The following PDE4B variants were observed in gnomAD, a reference collection of about 807,000 sequenced individuals.
PDE4B encodes the protein phosphodiesterase 4B, also known as 3',5'-cyclic-AMP phosphodiesterase 4B.
PDE4B carries 20 observed loss-of-function variants against 82.2 expected under a neutral mutation model. The ratio of observed to expected loss-of-function variants is 0.24; its 90% CI spans 0.17 to 0.35. PDE4B has a LOEUF of 0.35. Ranked by LOEUF, PDE4B falls within the 10% of genes least tolerant of loss-of-function variation. The pLI is 1.00. For missense variants in PDE4B, 655 were observed against 907.2 expected (o/e 0.72, Z 3.57); for synonymous variants, 320 against 318.9 (o/e 1.00, Z -0.04).
At chr1:65,996,954 C>A (rs1222166157) in intron 3 of PDE4B, among the ~76,000 whole-genome samples, 1 of 152,160 alleles carries the variant, frequency 6.6e-6, no homozygotes, top group East Asian at 1.9e-4. Flanking sequence ...CAGTGTTATC[C>A]TACTTGGCCT....
At chr1:65,886,470 A>G (rs1238884637) in intron 1 of PDE4B, among the ~76,000 whole-genome samples, 2 of 152,144 alleles carry the variant, frequency 1.3e-5, no homozygotes, top group Admixed American at 6.6e-5. Flanking sequence ...TGAACATTAG[A>G]ACTTATTCCT....
rs148155879 is a variant in PDE4B at position 66,186,318 on chromosome 1, G to A, written c.282-61142G>A. Among the ~76,000 whole-genome samples, 991 of 152,210 alleles carry A rather than the reference G, an allele frequency of 6.5e-3. 12 individuals carry two copies. Among genetic ancestry groups the A allele is most frequent in the African/African-American group, 0.023 (940 of 41,502 alleles). ...GCTTAGGATTCACTTGGTGATGCGGGCCCTTTTTTGGTTCCATATGAACTT... is the reference window on the plus strand; with the variant it reads ...GCTTAGGATTCACTTGGTGATGCGGACCCTTTTTTGGTTCCATATGAACTT... On this transcript the variant is annotated intron_variant, in intron 3 of 16. Transcript: ENST00000341517.
rs201371909 is a variant in PDE4B at position 66,338,298 on chromosome 1, G to A, written c.747+5678G>A. On this transcript the variant is annotated intron_variant, in intron 8 of 16. Transcript: ENST00000341517. ...ATGAGGCATATAAAGAAAGAAAAAA[G>A]TTTAGAGTTATTTAATAATTCTTCT... 2.6e-5 allele frequency among the ~76,000 whole-genome samples: 4 copies of A among 152,300 alleles called. No individual in the cohort carries two copies. The East Asian group carries it at 7.7e-4, about 29-fold the overall frequency.
intron 2 of PDE4B, among the ~76,000 whole-genome samples, chr1:65,914,975 A>G (rs1647142980): frequency 6.6e-6 from 1 of 152,248 alleles, no homozygotes; most frequent in South Asian, 2.1e-4. Context: ...TTTTGAATAT[A>G]CAGTGCAATA....
chr1:66,246,375 G>A (rs1026134767), intron 3 of PDE4B, among the ~76,000 whole-genome samples: 15 of 152,338 alleles, frequency 9.8e-5, no homozygotes, highest in Admixed American at 9.1e-4. Flanking sequence ...ATAAATCATG[G>A]CCGCTGAATT....
At chr1:65,927,741 T>C (rs1647587853) in intron 3 of PDE4B, among the ~76,000 whole-genome samples, 1 of 151,998 alleles carries the variant, frequency 6.6e-6, no homozygotes, top group African/African-American at 2.4e-5. Context: ...TTGTTTTTGA[T>C]TTACTATTTT....
At chr1:66,178,778 A>G (rs1646990026) in intron 3 of PDE4B, among the ~76,000 whole-genome samples, 1 of 152,222 alleles carries the variant, frequency 6.6e-6, no homozygotes, top group Non-Finnish European at 1.5e-5. Context: ...TTACATTTGG[A>G]TAATGAAATA....
intron 7 of PDE4B, among the ~76,000 whole-genome samples, chr1:66,282,098 C>T (rs189514236): frequency 2.7e-4 from 41 of 152,318 alleles, no homozygotes; most frequent in Non-Finnish European, 5.0e-4. Flanking sequence ...GTGTTTACAT[C>T]TGTGGTTCCA....
chr1:65,895,003 C>T (rs1009869220), intron 1 of PDE4B, among the ~76,000 whole-genome samples: 3 of 152,076 alleles, frequency 2.0e-5, no homozygotes, highest in Non-Finnish European at 2.9e-5. Context: ...TATACATTTA[C>T]CAAATGACTC....
At chr1:65,963,133 T>G (rs1045674675) in intron 3 of PDE4B, among the ~76,000 whole-genome samples, 2 of 152,326 alleles carry the variant, frequency 1.3e-5, no homozygotes, top group African/African-American at 4.8e-5. Flanking sequence ...CGTACACCAC[T>G]GGATGCATAC....
chr1:65,883,722 C>A (rs941243327), intron 1 of PDE4B, among the ~76,000 whole-genome samples: 1 of 152,124 alleles, frequency 6.6e-6, no homozygotes, highest in Non-Finnish European at 1.5e-5. Context: ...AGAGGGCATC[C>A]CTGTCTTGTG....
chr1:65,831,229 T>C (rs1243493713), intron 1 of PDE4B, among the ~76,000 whole-genome samples: 2 of 152,002 alleles, frequency 1.3e-5, no homozygotes, highest in African/African-American at 4.8e-5. Flanking sequence ...ATAAATTCAA[T>C]AGACAAAATT....
At chr1:66,300,429 G>A (rs1303891717) in intron 7 of PDE4B, among the ~76,000 whole-genome samples, 1 of 152,080 alleles carries the variant, frequency 6.6e-6, no homozygotes, top group Non-Finnish European at 1.5e-5. Flanking sequence ...TCAGAGATCG[G>A]CCAGTTCACT....
intron 3 of PDE4B, among the ~76,000 whole-genome samples, chr1:66,199,860 T>C (rs1047055130): frequency 6.6e-6 from 1 of 152,218 alleles, no homozygotes; most frequent in Admixed American, 6.5e-5. Context: ...TTAGATCCCA[T>C]TTGTCAATTT....
chr1:66,131,594 T>TATATATATATATATAC (rs1192523864), intron 3 of PDE4B, among the ~76,000 whole-genome samples: 9 of 51,578 alleles, frequency 1.7e-4, no homozygotes, highest in Non-Finnish European at 2.7e-4. Context: ...GAATGCCAGA[T>TATATATATATATATAC]ATATATATAT....
At chr1:66,361,853 G>T (rs184082986) in intron 10 of PDE4B, 60 bp downstream of exon 10, 1 of 1,324,746 alleles carries the variant, frequency 7.5e-7, no homozygotes, top group Non-Finnish European at 1.0e-6. Context: ...ACGGATGACC[G>T]TATACCTTTT....
intron 1 of PDE4B, among the ~76,000 whole-genome samples, chr1:65,912,321 C>G (rs1012414625): frequency 6.6e-6 from 1 of 152,070 alleles, no homozygotes; most frequent in Non-Finnish European, 1.5e-5. Context: ...ATTTGGGCTT[C>G]CAGTGAACCC....
chr1:66,201,139 G>A (rs1457508174), intron 3 of PDE4B, among the ~76,000 whole-genome samples: 1 of 152,122 alleles, frequency 6.6e-6, no homozygotes, highest in Non-Finnish European at 1.5e-5. Context: ...TTTATATGCT[G>A]GATTACATTT....
At chr1:65,865,531 C>T (rs1362718528) in intron 1 of PDE4B, among the ~76,000 whole-genome samples, 1 of 152,062 alleles carries the variant, frequency 6.6e-6, no homozygotes, top group Non-Finnish European at 1.5e-5. Context: ...GTGGTGTAGG[C>T]ACATGAGGTA....
Sources: gnomAD v4.1 joint callset for allele counts (sites outside exome capture counted in the v4.1 genomes callset) on GRCh38, gnomAD v4.1.1 for gene constraint, MANE v1.5 for transcripts, NCBI Gene and HGNC (gene_info 2026-07-23, HGNC 2026-07-21) for gene names.